Variants in PDE1A observed in about 807,000 individuals in gnomAD.
PDE1A encodes phosphodiesterase 1A.
PDE1A carries 35 observed loss-of-function variants against 61.7 expected under a neutral mutation model. The observed-to-expected ratio is 0.57, with a 90% CI of 0.43 to 0.75. The LOEUF (loss-of-function observed/expected upper bound fraction) is 0.75. Ranked by LOEUF, PDE1A falls within the 30% of genes least tolerant of loss-of-function variation. The pLI is 0.00. For missense variants in PDE1A, 597 were observed against 630.6 expected (o/e 0.95, Z 0.57); for synonymous variants, 232 against 213.2 (o/e 1.09, Z -0.77).
At chr2:182,387,289 G>T (rs1701167472) in intron 1 of PDE1A, among the ~76,000 whole-genome samples, 1 of 152,116 alleles carries the variant, frequency 6.6e-6, no homozygotes, top group Admixed American at 6.5e-5. Flanking sequence ...GCGGAAGGCT[G>T]CAGGGTCCTC....
the PDE1A span, among the ~76,000 whole-genome samples, chr2:182,643,671 T>A: frequency 7.3e-3 from 1,104 of 152,242 alleles, 12 homozygotes; most frequent in African/African-American, 0.025. Context: ...AGCATTGCTC[T>A]TTATCTTCAG....
At chr2:182,521,543 C>T (rs1690568163) in intron 2 of PDE1A, among the ~76,000 whole-genome samples, 1 of 151,884 alleles carries the variant, frequency 6.6e-6, no homozygotes, top group South Asian at 2.1e-4. Context: ...GAACTAGTAG[C>T]ACACACAGCT....
At chr2:182,707,649 T>C in the PDE1A span, among the ~76,000 whole-genome samples, 65 of 152,328 alleles carry the variant, frequency 4.3e-4, no homozygotes, top group African/African-American at 1.5e-3. Context: ...TTAAGTCATA[T>C]AAAAACCTTC....
chr2:182,288,285 C>T (rs1396613333), intron 1 of PDE1A, among the ~76,000 whole-genome samples: 1 of 152,054 alleles, frequency 6.6e-6, no homozygotes, highest in Non-Finnish European at 1.5e-5. Context: ...CTAAAGAGGT[C>T]AAATTACTTT....
At position 182,248,546 on chromosome 2, in the gene PDE1A, C is replaced by T. The variant is rs570072372; in HGVS notation, c.168-8254G>A. Among the ~76,000 whole-genome samples the T allele has an allele frequency of 2.0e-5, 3 of 152,190 alleles. No homozygotes were observed. In the South Asian group the frequency reaches 6.2e-4, roughly 32 times the overall value. On this transcript the variant is annotated intron_variant, in intron 2 of 13. Coordinates refer to ENST00000351439, the Ensembl canonical transcript of PDE1A. ...TATAATCATAATTTTCTCTTGAAAT[C>T]AGATGACATAACTCCCAAAGGGCTT...
chr2:182,217,412 A>G, intron 7 of PDE1A, among the ~76,000 whole-genome samples: 1 of 70,010 alleles, frequency 1.4e-5, no homozygotes, highest in African/African-American at 5.0e-5. Flanking sequence ...GACAAAATTG[A>G]CAAATGGGAT....
At chr2:182,287,436 C>T (rs1694239992) in intron 1 of PDE1A, among the ~76,000 whole-genome samples, 1 of 152,024 alleles carries the variant, frequency 6.6e-6, no homozygotes, top group Admixed American at 6.6e-5. Flanking sequence ...CGTCTATTTA[C>T]CTATCTATTT....
chr2:182,659,506 G>A, the PDE1A span, among the ~76,000 whole-genome samples: 2 of 152,188 alleles, frequency 1.3e-5, no homozygotes, highest in Non-Finnish European at 2.9e-5. Context: ...AATGAGTTCA[G>A]AGTTGCACAA....
At chr2:182,431,998 T>C (rs1165282616), upstream of PDE1A, among the ~76,000 whole-genome samples, 3 of 152,104 alleles carry the variant, frequency 2.0e-5, no homozygotes, top group Non-Finnish European at 4.4e-5. Flanking sequence ...GTGAATTGAA[T>C]AGGCTTATAG....
chr2:182,608,679 G>C, the PDE1A span, among the ~76,000 whole-genome samples: 2 of 152,224 alleles, frequency 1.3e-5, no homozygotes, highest in African/African-American at 2.4e-5. Context: ...CCATGCCTGA[G>C]CTTCCGCCGT....
chr2:182,602,162 C>T, the PDE1A span, among the ~76,000 whole-genome samples: 3 of 152,248 alleles, frequency 2.0e-5, no homozygotes, highest in Admixed American at 2.0e-4. Flanking sequence ...ATTTCTGAGC[C>T]TATGAAGGCA....
At chr2:182,610,493 T>C in the PDE1A span, among the ~76,000 whole-genome samples, 1 of 152,000 alleles carries the variant, frequency 6.6e-6, no homozygotes, top group African/African-American at 2.4e-5. Context: ...CTGACCAAGC[T>C]GAAACCTTTC....
chr2:182,176,227 C>T (rs1490084809), intron 13 of PDE1A, among the ~76,000 whole-genome samples: 1 of 148,214 alleles, frequency 6.7e-6, no homozygotes, highest in African/African-American at 2.6e-5. Context: ...TGAAGAAAGT[C>T]ATTGGTAGCT....
intron 1 of PDE1A, among the ~76,000 whole-genome samples, chr2:182,332,395 T>A (rs1327712349): frequency 3.3e-5 from 5 of 152,216 alleles, no homozygotes; most frequent in African/African-American, 4.8e-5. Context: ...GTTCCCTTGC[T>A]GGCAAGGAGT....
chr2:182,709,840 T>C, the PDE1A span, among the ~76,000 whole-genome samples: 1 of 152,236 alleles, frequency 6.6e-6, no homozygotes, highest in South Asian at 2.1e-4. Flanking sequence ...CATCTTTCTC[T>C]TCCCCATCAT....
chr2:182,293,196 C>A (rs958738120), intron 1 of PDE1A, among the ~76,000 whole-genome samples: 1 of 152,022 alleles, frequency 6.6e-6, no homozygotes, highest in Non-Finnish European at 1.5e-5. Context: ...AAGCTGAGAA[C>A]CCTGGATCCT....
At chr2:182,299,888 C>T (rs570153893) in intron 1 of PDE1A, among the ~76,000 whole-genome samples, 1 of 152,080 alleles carries the variant, frequency 6.6e-6, no homozygotes, top group African/African-American at 2.4e-5. Context: ...AAAGTCACAC[C>T]GGTGCATTGT....
At chr2:182,634,473 A>G in the PDE1A span, among the ~76,000 whole-genome samples, 1 of 152,238 alleles carries the variant, frequency 6.6e-6, no homozygotes, top group Non-Finnish European at 1.5e-5. Context: ...ACTAAAGAGC[A>G]CACAGACAGT....
At chr2:182,147,193 A>C in intron 13 of PDE1A, 41 bp from the exon 14 acceptor site, 1 of 1,232,210 alleles carries the variant, frequency 8.1e-7, no homozygotes. Flanking sequence ...AAACAAAATA[A>C]GGCTTTGGAA....
Sources: gnomAD v4.1 joint callset for allele counts (sites outside exome capture counted in the v4.1 genomes callset) on GRCh38, gnomAD v4.1.1 for gene constraint, MANE v1.5 for transcripts, NCBI Gene and HGNC (gene_info 2026-07-23, HGNC 2026-07-21) for gene names.